PLEKHM3: variants seen among roughly 807,000 people sequenced by gnomAD.
The protein encoded by PLEKHM3 is pleckstrin homology domain containing M3.
PLEKHM3 carries 45 observed loss-of-function variants against 81.8 expected under a neutral mutation model. That is an observed-to-expected ratio of 0.55 (90% CI 0.43 to 0.71). The LOEUF is 0.71. Ranked by LOEUF, PLEKHM3 falls within the 30% of genes least tolerant of loss-of-function variation. The pLI is 0.00. For missense variants in PLEKHM3, 788 were observed against 924.3 expected (o/e 0.85, Z 1.91); for synonymous variants, 352 against 356.4 (o/e 0.99, Z 0.14).
intron 3 of PLEKHM3, among the ~76,000 whole-genome samples, chr2:207,949,461 A>T (rs1243294368): frequency 6.6e-6 from 1 of 152,154 alleles, no homozygotes; most frequent in Non-Finnish European, 1.5e-5. Flanking sequence ...GAGCACTTGA[A>T]CCTAGGAGGT....
chr2:207,973,874 C>G (rs56780927), intron 3 of PLEKHM3, among the ~76,000 whole-genome samples: 3,251 of 152,256 alleles, frequency 0.021, 121 homozygotes, highest in African/African-American at 0.073. Flanking sequence ...AATGGAACAG[C>G]TTTTCTTTCT....
chr2:207,991,856 T>G (rs899069384), intron 2 of PLEKHM3, among the ~76,000 whole-genome samples: 1 of 152,230 alleles, frequency 6.6e-6, no homozygotes, highest in African/African-American at 2.4e-5. Context: ...CTGGGTATCC[T>G]GTGAAGTGTT....
At chr2:208,010,456 TG>T (rs1692652566) in intron 1 of PLEKHM3, among the ~76,000 whole-genome samples, 1 of 152,256 alleles carries the variant, frequency 6.6e-6, no homozygotes, top group Non-Finnish European at 1.5e-5. Context: ...GCAGACTTGA[TG>T]TTTTCCATCT....
chr2:207,966,517 C>T (rs543122706), intron 3 of PLEKHM3, among the ~76,000 whole-genome samples: 1 of 152,298 alleles, frequency 6.6e-6, no homozygotes, highest in African/African-American at 2.4e-5. Context: ...CGGTTTTTAG[C>T]TCCTTCACTA....
intron 6 of PLEKHM3, among the ~76,000 whole-genome samples, chr2:207,893,773 CTACAGA>C (rs569552638): frequency 2.7e-3 from 414 of 152,200 alleles, no homozygotes; most frequent in Non-Finnish European, 4.6e-3. Context: ...TCAGTCATAG[CTACAGA>C]TACAGAGTGT....
At chr2:207,988,706 C>CCCCTTATG (rs1406383229) in intron 2 of PLEKHM3, among the ~76,000 whole-genome samples, 1 of 152,100 alleles carries the variant, frequency 6.6e-6, no homozygotes, top group African/African-American at 2.4e-5. Context: ...CTTGACCTAC[C>CCCCTTATG]CCCTTATGGC....
At chr2:207,972,459 C>T (rs199772680) in intron 3 of PLEKHM3, among the ~76,000 whole-genome samples, 44 of 152,074 alleles carry the variant, frequency 2.9e-4, no homozygotes, top group East Asian at 2.1e-3. Flanking sequence ...TGGTGGCACA[C>T]GCCTGTAATC....
intron 3 of PLEKHM3, among the ~76,000 whole-genome samples, chr2:207,972,057 T>G (rs1691139971): frequency 6.6e-6 from 1 of 152,226 alleles, no homozygotes. Flanking sequence ...TTCACTGATG[T>G]GATTATTTGA....
intron 7 of PLEKHM3, among the ~76,000 whole-genome samples, chr2:207,829,617 C>A (rs2092273421): frequency 6.6e-6 from 1 of 152,130 alleles, no homozygotes; most frequent in Admixed American, 6.6e-5. Flanking sequence ...AGCTCAAATA[C>A]AGCTGCTCCA....
At chr2:207,839,660 C>G (rs1384716196) in intron 7 of PLEKHM3, among the ~76,000 whole-genome samples, 1 of 152,184 alleles carries the variant, frequency 6.6e-6, no homozygotes, top group Admixed American at 6.5e-5. Flanking sequence ...GTGGCCAGCA[C>G]AGTGCCTCAC....
intron 5 of PLEKHM3, among the ~76,000 whole-genome samples, chr2:207,929,670 A>C (rs964643639): frequency 1.3e-5 from 2 of 152,210 alleles, no homozygotes; most frequent in African/African-American, 4.8e-5. Flanking sequence ...CTTTCTGAAA[A>C]ACAACTAGGT....
intron 6 of PLEKHM3, among the ~76,000 whole-genome samples, chr2:207,891,782 T>G (rs951356840): frequency 6.6e-6 from 1 of 152,206 alleles, no homozygotes; most frequent in Non-Finnish European, 1.5e-5. Flanking sequence ...ACCCCATATT[T>G]ATGAGGCACT....
intron 6 of PLEKHM3, among the ~76,000 whole-genome samples, chr2:207,896,541 C>T (rs1335608944): frequency 6.6e-6 from 1 of 152,192 alleles, no homozygotes; most frequent in Non-Finnish European, 1.5e-5. Context: ...CTGACTAAGA[C>T]TTAATGGAAC....
At chr2:208,000,933 C>G in intron 2 of PLEKHM3, 97 bp downstream of exon 2, 1 of 1,136,154 alleles carries the variant, frequency 8.8e-7, no homozygotes, top group Non-Finnish European at 1.2e-6. Flanking sequence ...AACAATGATT[C>G]AGTAGAAGTC....
At chr2:207,923,827 A>G (rs1574410278) in intron 5 of PLEKHM3, among the ~76,000 whole-genome samples, 2 of 142,442 alleles carry the variant, frequency 1.4e-5, no homozygotes, top group Non-Finnish European at 3.0e-5. Flanking sequence ...GGATATATAT[A>G]CATACATATA....
chr2:207,976,829 A>G lies in PLEKHM3; in HGVS notation c.1368T>C (p.Asn456=), dbSNP rs768218438. The G allele has an allele frequency of 1.9e-6, 3 of 1,614,208 alleles. No individual in the cohort carries two copies. Among genetic ancestry groups the G allele is most frequent in the South Asian group, 2.2e-5 (2 of 91,076 alleles). The stretch of plus-strand genomic sequence containing the variant: ...GGTTTTGCTCTGAACTCCTCGCCAC[A>G]TTGGCAGCTATCTTCAGAGCCTCCA... ...EWMEALKIAA[N]VARSSEQNLQ... is the part of the protein sequence containing the mutation. The change falls in exon 3 of 8, where the codon AAT becomes AAC. Residue 456 remains asparagine, a synonymous_variant. Transcript: ENST00000427836. This position sits in a 1 kb window ranked among gnomAD's most constrained non-coding sequence, Gnocchi z 4.1.
intron 7 of PLEKHM3, among the ~76,000 whole-genome samples, chr2:207,839,719 C>G (rs1406630832): frequency 6.6e-6 from 1 of 151,964 alleles, no homozygotes; most frequent in South Asian, 2.1e-4. Context: ...TGATCCTGCC[C>G]AGGAGTTCAG....
In PLEKHM3 at chr2:207,977,261, G is replaced by C. The variant is rs763753728; in HGVS notation, c.936C>G (p.Pro312=). ...KLWEVVHAAV[P]GYMGRQNELT... Reference sequence around the variant, plus strand: ...GCTCATTCTGCCGCCCCATGTAACCGGGCACAGCAGCATGCACTACTTCCC... The same window carrying C: ...GCTCATTCTGCCGCCCCATGTAACCCGGCACAGCAGCATGCACTACTTCCC... Residue 312 remains proline, a synonymous_variant, in exon 3 of 8, where the codon CCC becomes CCG. Transcript: ENST00000427836. 2.5e-6 allele frequency: 4 copies of C among 1,614,004 alleles called. No homozygotes were observed. In the African/African-American group the frequency reaches 5.3e-5, roughly 22 times the overall value.
At chr2:207,844,918 G>A (rs2092374834) in intron 7 of PLEKHM3, among the ~76,000 whole-genome samples, 2 of 152,204 alleles carry the variant, frequency 1.3e-5, no homozygotes, top group Non-Finnish European at 2.9e-5. Context: ...GGAGGTGGGA[G>A]ACATGGGCAG....
Sources: allele counts gnomAD v4.1 joint callset (sites outside exome capture counted in the v4.1 genomes callset), GRCh38; gene constraint gnomAD v4.1.1; non-coding constraint Gnocchi (gnomAD v3.1); transcripts MANE v1.5; gene names NCBI Gene and HGNC (gene_info 2026-07-23, HGNC 2026-07-21).